Variants in PPM1L observed in about 807,000 individuals in gnomAD.
The protein encoded by PPM1L is protein phosphatase 1L.
PPM1L carries 13 observed loss-of-function variants against 31.4 expected under a neutral mutation model. The ratio of observed to expected loss-of-function variants is 0.41; its 90% CI spans 0.27 to 0.66. PPM1L has a LOEUF of 0.66. Ranked by LOEUF, PPM1L falls within the 30% of genes least tolerant of loss-of-function variation. The probability of loss-of-function intolerance (pLI) is 0.29; values close to 1 mark genes in which losing one functional copy is unlikely to be tolerated. For missense variants in PPM1L, 326 were observed against 453.7 expected, an observed-to-expected ratio of 0.72 and a Z score of 2.56; for synonymous variants, 184 against 175.4, an observed-to-expected ratio of 1.05 and a Z score of -0.39.
chr3:160,892,312 C>T (rs111683850), intron 1 of PPM1L, among the ~76,000 whole-genome samples: 1 of 151,954 alleles, frequency 6.6e-6, no homozygotes, highest in Non-Finnish European at 1.5e-5. Flanking sequence ...CATCACATGG[C>T]GAGAGCAGGA....
intron 1 of PPM1L, among the ~76,000 whole-genome samples, chr3:160,921,820 G>A (rs1576715482): frequency 6.6e-6 from 1 of 152,000 alleles, no homozygotes; most frequent in East Asian, 1.9e-4. Flanking sequence ...CCCCATTTGA[G>A]GAAGGCAGTT....
Position 161,012,006 on chromosome 3 carries a change from T to C in PPM1L, c.574+50096T>C, listed in dbSNP as rs377718893. On this transcript the variant is annotated intron_variant, in intron 2 of 3. Coordinates refer to ENST00000498165, the MANE Select transcript of PPM1L (RefSeq NM_139245.4). ...CCTCTTTTCCTAATTGATTACCCTT[T>C]ATTTCTTTCTCCTGCCTAATTGCCC... is the stretch of plus-strand genomic sequence containing the variant. Among the ~76,000 whole-genome samples the C allele has an allele frequency of 5.9e-5, 9 of 152,322 alleles. No homozygotes were observed. The East Asian group carries it at 1.3e-3, about 23-fold the overall frequency.
At chr3:160,937,115 C>G (rs1714997950) in intron 1 of PPM1L, among the ~76,000 whole-genome samples, 2 of 152,116 alleles carry the variant, frequency 1.3e-5, no homozygotes, top group Non-Finnish European at 2.9e-5. Context: ...CTAGTAGAAG[C>G]TGGTATGCTT....
At chr3:161,012,800 T>C (rs1344225955) in intron 2 of PPM1L, among the ~76,000 whole-genome samples, 3 of 152,262 alleles carry the variant, frequency 2.0e-5, no homozygotes, top group Admixed American at 1.3e-4. Flanking sequence ...TCTAGTTTAT[T>C]TGTGTAGAGG....
intron 2 of PPM1L, among the ~76,000 whole-genome samples, chr3:161,057,742 C>G (rs982915661): frequency 6.6e-6 from 1 of 152,026 alleles, no homozygotes; most frequent in African/African-American, 2.4e-5. Flanking sequence ...CTGCTTTCCC[C>G]TGAGCACGTG....
intron 2 of PPM1L, among the ~76,000 whole-genome samples, chr3:161,033,568 G>C (rs111577982): frequency 1.0e-3 from 155 of 152,204 alleles, no homozygotes; most frequent in African/African-American, 3.5e-3. Flanking sequence ...CTTTGACAAA[G>C]CTGACAAAAA....
intron 1 of PPM1L, among the ~76,000 whole-genome samples, chr3:160,885,079 T>C (rs549503459): frequency 1.3e-5 from 2 of 152,278 alleles, no homozygotes; most frequent in Admixed American, 1.3e-4. Context: ...ATTAGACTCT[T>C]GGCATGTAGG....
At chr3:160,912,458 T>C (rs975344419) in intron 1 of PPM1L, among the ~76,000 whole-genome samples, 1 of 152,208 alleles carries the variant, frequency 6.6e-6, no homozygotes, top group African/African-American at 2.4e-5. Flanking sequence ...TGTGTACTCT[T>C]CATACAACCA....
intron 1 of PPM1L, among the ~76,000 whole-genome samples, chr3:160,944,858 T>TAC (rs1559897188): frequency 1.0e-4 from 4 of 39,096 alleles, no homozygotes; most frequent in African/African-American, 3.5e-4. Context: ...TAACATATAT[T>TAC]ATATATAATG....
intron 1 of PPM1L, among the ~76,000 whole-genome samples, chr3:160,808,313 G>GTGTGTGTGTGTGTGTGTGTGTT (rs1560112571): frequency 1.3e-4 from 19 of 148,212 alleles, no homozygotes; most frequent in Middle Eastern, 3.4e-3. Context: ...GTGTGTGTGT[G>GTGTGTGTGTGTGTGTGTGTGTT]TGTGTGTGCG....
intron 1 of PPM1L, among the ~76,000 whole-genome samples, chr3:160,787,106 T>C (rs1351761363): frequency 6.6e-6 from 1 of 152,164 alleles, no homozygotes; most frequent in Non-Finnish European, 1.5e-5. Context: ...TTATATTCCT[T>C]TGGGTATATA....
Position 160,943,836 on chromosome 3 carries a change from T to A in PPM1L, c.400-17900T>A, listed in dbSNP as rs141026035. On this transcript the variant is annotated intron_variant, in intron 1 of 3. Coordinates refer to ENST00000498165, the MANE Select transcript of PPM1L (RefSeq NM_139245.4). ...TTTGTTGTGTGTGTCTCATAAGTCA[T>A]GTTGACTTATTTAGTGACTTCTTTA... 2.9e-3 allele frequency among the ~76,000 whole-genome samples: 449 copies of A among 152,296 alleles called. 3 individuals are homozygous for A. Among genetic ancestry groups the A allele is most frequent in the African/African-American group, 0.01 (418 of 41,568 alleles).
At chr3:160,773,515 CAAG>C (rs1711502421) in intron 1 of PPM1L, among the ~76,000 whole-genome samples, 1 of 152,144 alleles carries the variant, frequency 6.6e-6, no homozygotes. Context: ...CAGATGGAAA[CAAG>C]GAGGGTAGAA....
intron 1 of PPM1L, among the ~76,000 whole-genome samples, chr3:160,873,848 G>A (rs1006130660): frequency 6.6e-6 from 1 of 152,016 alleles, no homozygotes; most frequent in African/African-American, 2.4e-5. Context: ...TTTAATACAC[G>A]TCACTATGAG....
At chr3:160,930,879 A>G (rs1576721865) in intron 1 of PPM1L, among the ~76,000 whole-genome samples, 2 of 152,120 alleles carry the variant, frequency 1.3e-5, no homozygotes, top group African/African-American at 4.8e-5. Context: ...CTAAGTCTTC[A>G]TGCCTGGTTC....
chr3:160,966,187 A>C (rs931403898), intron 2 of PPM1L, among the ~76,000 whole-genome samples: 1 of 152,044 alleles, frequency 6.6e-6, no homozygotes, highest in African/African-American at 2.4e-5. Flanking sequence ...CCTAGAATCT[A>C]TATATTTTTA....
intron 2 of PPM1L, among the ~76,000 whole-genome samples, chr3:161,049,490 C>T (rs1580254): frequency 0.44 from 67,055 of 151,986 alleles, 15,975 homozygotes; most frequent in East Asian, 0.7. Flanking sequence ...CCTTGCCACA[C>T]TCCTAATAAG....
chr3:161,012,649 G>A (rs1196435456), intron 2 of PPM1L, among the ~76,000 whole-genome samples: 6 of 151,634 alleles, frequency 4.0e-5, no homozygotes, highest in African/African-American at 1.5e-4. Context: ...ATCTGGTCCT[G>A]GACTCCTTTT....
rs898719829 is a variant in PPM1L at position 161,071,056 on chromosome 3, G to T, written c.*1899G>T. The T allele has an allele frequency of 6.6e-6, 1 of 152,158 alleles. No individual in the cohort carries two copies. Among genetic ancestry groups the T allele is most frequent in the African/African-American group, 2.4e-5 (1 of 41,426 alleles). 9.4% of individuals were successfully genotyped at this position (152,158 alleles called of 1,614,324 possible). ...TTTAGATTTAAGCATTTGCCTATGG[G>T]GAGACACTGAATATGTGGATGTGTG... On this transcript the variant is annotated 3_prime_UTR_variant, in exon 4 of 4. Transcript: ENST00000498165.
Sources: gnomAD v4.1 joint callset for allele counts (sites outside exome capture counted in the v4.1 genomes callset) on GRCh38, gnomAD v4.1.1 for gene constraint, MANE v1.5 for transcripts, NCBI Gene and HGNC (gene_info 2026-07-23, HGNC 2026-07-21) for gene names.